The following PCDH11X variants were observed in gnomAD, a reference collection of about 807,000 sequenced individuals.
The protein encoded by PCDH11X is protocadherin-11 X-linked.
A neutral mutation model predicts 53.3 loss-of-function variants in PCDH11X; 18 were observed. That is an observed-to-expected ratio of 0.34 (90% CI 0.23 to 0.50). The LOEUF is 0.50. Ranked by LOEUF, PCDH11X falls within the 20% of genes least tolerant of loss-of-function variation. The probability of loss-of-function intolerance (pLI) is 0.98; values close to 1 mark genes in which losing one functional copy is unlikely to be tolerated. For missense variants in PCDH11X, 570 were observed against 1,032.4 expected (o/e 0.55, Z 6.14); for synonymous variants, 279 against 393.3 (o/e 0.71, Z 3.44).
At chrX:92,566,180 G>A (rs1215313941) in intron 10 of PCDH11X, among the ~76,000 whole-genome samples, 98 of 108,986 alleles carry the variant, frequency 9.0e-4, no homozygotes, top group Non-Finnish European at 1.1e-3. Context: ...AAATCCAAAC[G>A]AATCCACCAA....
intron 7 of PCDH11X, among the ~76,000 whole-genome samples, chrX:92,235,817 T>C (rs1603221473): frequency 9.0e-6 from 1 of 111,036 alleles, no homozygotes; most frequent in Non-Finnish European, 1.9e-5. Flanking sequence ...AAACAATAGC[T>C]TGCAATGCAT....
At chrX:92,104,370 G>A (rs1352167803) in intron 6 of PCDH11X, among the ~76,000 whole-genome samples, 2 of 110,519 alleles carry the variant, frequency 1.8e-5, no homozygotes, top group Non-Finnish European at 3.8e-5. Context: ...GGGACAGGCG[G>A]GAGGGAAAGA....
intron 4 of PCDH11X, among the ~76,000 whole-genome samples, chrX:91,812,962 C>A (rs1229570140): frequency 3.6e-5 from 4 of 111,615 alleles, no homozygotes; most frequent in Admixed American, 9.6e-5. Context: ...TAATCTTATT[C>A]TTTATTGCGG....
At chrX:92,264,833 T>C (rs1691550448) in intron 8 of PCDH11X, among the ~76,000 whole-genome samples, 2 of 107,295 alleles carry the variant, frequency 1.9e-5, no homozygotes. Flanking sequence ...AACATGTAAA[T>C]AATCGACATA....
intron 10 of PCDH11X, among the ~76,000 whole-genome samples, chrX:92,612,279 C>T (rs1242378535): frequency 2.7e-5 from 3 of 110,533 alleles, no homozygotes; most frequent in African/African-American, 9.9e-5. Flanking sequence ...AATCTCAAAA[C>T]TCAGCATTGA....
At chrX:92,332,800 C>A (rs2069525847) in intron 8 of PCDH11X, among the ~76,000 whole-genome samples, 1 of 111,549 alleles carries the variant, frequency 9.0e-6, no homozygotes, top group Non-Finnish European at 1.9e-5. Context: ...CATTCTCAGG[C>A]CCTACCCAGA....
intron 9 of PCDH11X, among the ~76,000 whole-genome samples, chrX:92,446,273 G>C (rs7879624): frequency 0.12 from 13,439 of 110,195 alleles, 653 homozygotes; most frequent in Middle Eastern, 0.16. Flanking sequence ...GGATTAAATG[G>C]ACTCAGGAGT....
At chrX:92,138,737 C>T (rs1490789758) in intron 6 of PCDH11X, among the ~76,000 whole-genome samples, 3 of 110,914 alleles carry the variant, frequency 2.7e-5, no homozygotes, top group African/African-American at 6.5e-5. Flanking sequence ...GATAATCATT[C>T]ATAGCATTAT....
In PCDH11X at chrX:92,037,926, G is replaced by A. The variant is rs188398921; in HGVS notation, c.3033+158653G>A. On this transcript the variant is annotated intron_variant, in intron 6 of 10. Coordinates refer to ENST00000682573, the MANE Select transcript of PCDH11X (RefSeq NM_032968.5). ...TTTTTTTTTTTTTTTTCGTAACTGT[G>A]TGAGTTCCTTGTAGATTCTGGATAT... 1.9e-3 allele frequency among the ~76,000 whole-genome samples: 188 copies of A among 98,872 alleles called. 1 individual carries two copies. The highest frequency in any genetic ancestry group is 6.6e-3 in the African/African-American group (176 of 26,840). The allele number at this position is 98,872 out of a possible 115,157, so 85.9% of individuals were successfully genotyped here.
intron 8 of PCDH11X, among the ~76,000 whole-genome samples, chrX:92,313,199 TAAGA>T (rs1378413897): frequency 4.5e-5 from 5 of 111,170 alleles, no homozygotes; most frequent in African/African-American, 9.8e-5. Context: ...TTTTTTTCTG[TAAGA>T]AAGAAGGCAG....
At chrX:92,418,498 C>T (rs1264050930) in intron 9 of PCDH11X, among the ~76,000 whole-genome samples, 2 of 110,450 alleles carry the variant, frequency 1.8e-5, no homozygotes, top group Non-Finnish European at 3.8e-5. Flanking sequence ...CTTTGTATTG[C>T]CCCTTTTCAT....
At chrX:92,082,501 T>C (rs925243166) in intron 6 of PCDH11X, among the ~76,000 whole-genome samples, 1 of 110,872 alleles carries the variant, frequency 9.0e-6, no homozygotes, top group Non-Finnish European at 1.9e-5. Flanking sequence ...GGGATAGTTG[T>C]ATTAAATTAA....
At chrX:92,296,082 CA>C (rs35158475) in intron 8 of PCDH11X, among the ~76,000 whole-genome samples, 127 of 93,214 alleles carry the variant, frequency 1.4e-3, no homozygotes, top group Admixed American at 1.6e-3. Context: ...AACTCTGTCT[CA>C]AAAAAAAAAA....
chrX:92,518,568 T>C (rs371881024), intron 10 of PCDH11X, among the ~76,000 whole-genome samples: 72 of 110,942 alleles, frequency 6.5e-4, no homozygotes, highest in African/African-American at 2.2e-3. Flanking sequence ...AGTGACCTAC[T>C]TGACTTGCTT....
At chrX:92,446,724 A>T (rs1417629591) in intron 9 of PCDH11X, among the ~76,000 whole-genome samples, 1 of 111,607 alleles carries the variant, frequency 9.0e-6, no homozygotes, top group Non-Finnish European at 1.9e-5. Context: ...TGGTTCCAGG[A>T]GTAGGGTGCT....
chrX:92,147,814 T>C (rs771448275), intron 6 of PCDH11X, among the ~76,000 whole-genome samples: 3 of 79,147 alleles, frequency 3.8e-5, no homozygotes, highest in African/African-American at 7.2e-5. Context: ...TTCCTTCCTT[T>C]CTTTCTTTCT....
At position 91,893,824 on chromosome X, in the gene PCDH11X, A is replaced by G. The variant is rs747792826; in HGVS notation, c.3033+14551A>G. Among the ~76,000 whole-genome samples, 5 of 111,273 alleles carry G rather than the reference A, an allele frequency of 4.5e-5. No homozygotes were observed. The East Asian group carries it at 1.4e-3, about 32-fold the overall frequency. On this transcript the variant is annotated intron_variant, in intron 6 of 10. Coordinates refer to ENST00000682573, the MANE Select transcript of PCDH11X (RefSeq NM_032968.5). ...ATGCAGAAACTACATATCCCTACTC[A>G]AAACTGACTATATATATATAAAATT...
At chrX:91,904,148 G>A (rs752473741) in intron 6 of PCDH11X, among the ~76,000 whole-genome samples, 2 of 111,103 alleles carry the variant, frequency 1.8e-5, no homozygotes, top group South Asian at 7.6e-4. Flanking sequence ...ACTTTGAAAT[G>A]TAGGAAATAG....
At position 92,238,476 on chromosome X, in the gene PCDH11X, C is replaced by A. The variant is rs139432856; in HGVS notation, c.3115-24638C>A. 5.0e-3 allele frequency among the ~76,000 whole-genome samples: 550 copies of A among 110,967 alleles called. 6 individuals are homozygous for A. Among genetic ancestry groups the A allele is most frequent in the African/African-American group, 0.017 (528 of 30,661 alleles). ...TAATTTGGGTGCATTACATGTTCTT[C>A]ATCTATGTAGTGGGAGTTTAAGGAA... On this transcript the variant is annotated intron_variant, in intron 7 of 10. Coordinates refer to ENST00000682573, the MANE Select transcript of PCDH11X (RefSeq NM_032968.5).
Sources: allele counts gnomAD v4.1 joint callset (sites outside exome capture counted in the v4.1 genomes callset), GRCh38; gene constraint gnomAD v4.1.1; transcripts MANE v1.5; gene names NCBI Gene and HGNC (gene_info 2026-07-23, HGNC 2026-07-21).